The following CTSG variants were observed in gnomAD, a reference collection of about 807,000 sequenced individuals.
The protein encoded by CTSG is cathepsin G.
CTSG carries 23 observed loss-of-function variants against 23.0 expected under a neutral mutation model. The observed-to-expected ratio is 1.00, with a 90% CI of 0.72 to 1.42. The LOEUF is 1.42. Among genes scored for constraint, CTSG ranks in the 40% most tolerant of loss-of-function variants. CTSG has a pLI of 0.00. For missense variants in CTSG, 312 were observed against 326.2 expected (o/e 0.96, Z 0.33); for synonymous variants, 140 against 130.4 (o/e 1.07, Z -0.50).
At chr14:24,574,896 A>G (rs1450110643) in intron 2 of CTSG, 86 bp from the exon 3 acceptor site, 2 of 1,552,614 alleles carry the variant, frequency 1.3e-6, no homozygotes, top group Non-Finnish European at 1.8e-6. Flanking sequence ...GGAGGGCAAG[A>G]CTGCAGCTAA....
intron 2 of CTSG, 46 bp from the exon 3 acceptor site, chr14:24,574,856 C>T: frequency 6.2e-7 from 1 of 1,610,978 alleles, no homozygotes; most frequent in Non-Finnish European, 8.5e-7. Flanking sequence ...CTATGGTCCA[C>T]CAGCTCTGCA....
intron 3 of CTSG, 56 bp from the exon 4 acceptor site, chr14:24,574,555 G>A (rs2066731714): frequency 1.9e-6 from 3 of 1,611,186 alleles, no homozygotes; most frequent in South Asian, 2.2e-5. Flanking sequence ...CAAGGCTCGG[G>A]GGTCGCTGGT....
At position 24,573,817 on chromosome 14, in the gene CTSG, G is replaced by A. The variant is rs750330910; in HGVS notation, c.595-7C>T. 1 of 1,612,284 alleles carries A rather than the reference G, an allele frequency of 6.2e-7. No homozygotes were observed. The highest frequency in any genetic ancestry group is 8.5e-7 in the Non-Finnish European group (1 of 1,179,104). On this transcript the variant is annotated splice_region_variant and splice_polypyrimidine_tract_variant and intron_variant, in intron 4 of 4. Transcript: ENST00000216336. ...GGGGGCCTCCGGAATCCCCCTGTAG[G>A]TAGAGAGGAGAAGGGAGACTGAGAC...
chr14:24,575,448 G>A (rs746200339), intron 1 of CTSG, 36 bp from the exon 2 acceptor site: 1 of 1,612,312 alleles, frequency 6.2e-7, no homozygotes, highest in Non-Finnish European at 8.5e-7. Flanking sequence ...CTCTATGCTT[G>A]CTGAACCTGC....
chr14:24,575,413 C>T lies in CTSG; in HGVS notation c.56-1G>A. On this transcript the variant is annotated splice_acceptor_variant, in intron 1 of 4. Transcript: ENST00000216336. LOFTEE classifies it high-confidence loss of function. ...CTCTCCCGGCCTCCGATGATCTCCC[C>T]TGGAAGGAAGCATTTGGCACTTAGC... The T allele has an allele frequency of 1.9e-5, 30 of 1,614,140 alleles. No homozygotes were observed. Among genetic ancestry groups the T allele is most frequent in the Admixed American group, 3.3e-5 (2 of 60,026 alleles).
At position 24,573,790 on chromosome 14, in the gene CTSG, C is replaced by G; in HGVS notation, c.615G>C (p.Leu205=). Residue 205 remains leucine (L), a synonymous_variant, in exon 5 of 5, where the codon CTG becomes CTC. Coordinates refer to ENST00000216336, the MANE Select transcript of CTSG (RefSeq NM_001911.3). ...AAFKGDSGGP[L]LCNNVAHGIV... is the part of the protein sequence containing the mutation. The stretch of plus-strand genomic sequence containing the variant: ...TGCCGTGGGCCACATTGTTACACAG[C>G]AGGGGGCCTCCGGAATCCCCCTGTA... 6.2e-7 allele frequency: 1 copy of G among 1,614,022 alleles called. No individual in the cohort carries two copies. Among genetic ancestry groups the G allele is most frequent in the Non-Finnish European group, 8.5e-7 (1 of 1,179,982 alleles).
rs759013839 is a variant in CTSG, at chr14:24,574,474, C to T, written c.365G>A (p.Arg122Gln). 4.3e-6 allele frequency: 7 copies of T among 1,614,006 alleles called. No individual in the cohort carries two copies. In the South Asian group the frequency reaches 5.5e-5, roughly 13 times the overall value. The stretch of plus-strand genomic sequence containing the variant: ...AGGCAGAGCCACTGGGTTCACGTTT[C>T]GATTCCGTCTGACTCTTCTGCTCAG... ...LQLSRRVRRNRNVNPVALPRA... is the reference protein window; with the variant it reads ...LQLSRRVRRNQNVNPVALPRA... The change falls in exon 4 of 5, where the codon CGA becomes CAA. Residue 122 changes from arginine to glutamine, a missense_variant. Arg to Gln is a conservative substitution (Grantham distance 43). Coordinates refer to ENST00000216336, the MANE Select transcript of CTSG (RefSeq NM_001911.3).
rs761931659 is a variant in CTSG, at chr14:24,574,333, T to C, written c.506A>G (p.Asp169Gly). Residue 169 changes from aspartate (D) to glycine (G), a missense_variant, in exon 4 of 5, where the codon GAT becomes GGT. By Grantham distance (94) the Asp-to-Gly change is moderately conservative. Transcript: ENST00000216336. Reference protein sequence around the residue: ...LREVQLRVQRDRQCLRIFGSY... With the variant: ...LREVQLRVQRGRQCLRIFGSY... ...ACCGAAGATGCGGAGGCACTGCCTA[T>C]CCCTCTGCACTCTCAGCTGCACCTC... 1.2e-6 allele frequency: 2 copies of C among 1,605,582 alleles called. No individual in the cohort carries two copies. Among genetic ancestry groups the C allele is most frequent in the Admixed American group, 1.7e-5 (1 of 60,018 alleles).
In CTSG at chr14:24,573,594, C is replaced by A; in HGVS notation, c.*43G>T. ...CTGTGGACGTTTATTAAGGCTCTGG[C>A]AACACTGTGGAGCTGGCCTGTGTCC... On this transcript the variant is annotated 3_prime_UTR_variant, in exon 5 of 5. Coordinates refer to ENST00000216336, the MANE Select transcript of CTSG (RefSeq NM_001911.3). The A allele has an allele frequency of 1.3e-6, 2 of 1,571,934 alleles. No homozygotes were observed.
At chr14:24,574,040 C>T (rs1244216123) in intron 4 of CTSG, among the ~76,000 whole-genome samples, 2 of 152,186 alleles carry the variant, frequency 1.3e-5, no homozygotes, top group East Asian at 1.9e-4. Context: ...AGGTACCTCT[C>T]CCTTCTCCAG....
In CTSG at chr14:24,574,405, G is replaced by A; in HGVS notation, c.434C>T (p.Ala145Val). The A allele has an allele frequency of 6.2e-7, 1 of 1,612,932 alleles. No individual in the cohort carries two copies. Among genetic ancestry groups the A allele is most frequent in the Non-Finnish European group, 8.5e-7 (1 of 1,180,014 alleles). ...GLRPGTLCTVAGWGRVSMRRG... is the reference protein window; with the variant it reads ...GLRPGTLCTVVGWGRVSMRRG... ...CCTCATGCTGACCCTGCCCCAGCCG[G>A]CCACAGTGCACAGCGTCCCGGGTCT... The change falls in exon 4 of 5, where the codon GCC (alanine) becomes GTC (valine). Residue 145 changes from alanine to valine, a missense_variant. Ala to Val is a moderately conservative substitution (Grantham distance 64). Coordinates refer to ENST00000216336, the MANE Select transcript of CTSG (RefSeq NM_001911.3).
At chr14:24,576,021 G>A (rs2138452444) in intron 1 of CTSG, 148 bp downstream of exon 1, 4 of 659,374 alleles carry the variant, frequency 6.1e-6, no homozygotes, top group South Asian at 3.9e-5. Flanking sequence ...CTGCAAGATC[G>A]GTATTAATAT....
rs1594807189 is a variant in CTSG, at chr14:24,574,796, G to A, written c.218C>T (p.Thr73Ile). 4 of 1,613,840 alleles carry A rather than the reference G, an allele frequency of 2.5e-6. No individual in the cohort carries two copies. Among genetic ancestry groups the A allele is most frequent in the East Asian group, 4.5e-5 (2 of 44,880 alleles). The change falls in exon 3 of 5, where the codon ACC becomes ATC. Residue 73 changes from threonine to isoleucine, a missense_variant. Physicochemically the swap from Thr to Ile is moderately conservative, Grantham distance 89. Coordinates refer to ENST00000216336, the MANE Select transcript of CTSG (RefSeq NM_001911.3). Reference sequence around the variant, plus strand: ...TCTCTGGATATTGTGGGCGCCCAGGGTGACATTTATATTGCTGCAAAAGCA... The same window carrying A: ...TCTCTGGATATTGTGGGCGCCCAGGATGACATTTATATTGCTGCAAAAGCA... Reference protein sequence around the residue: ...AHCWGSNINVTLGAHNIQRRE... With the variant: ...AHCWGSNINVILGAHNIQRRE...
intron 3 of CTSG, 38 bp from the exon 4 acceptor site, chr14:24,574,537 C>T (rs768508151): frequency 1.9e-6 from 3 of 1,612,466 alleles, no homozygotes; most frequent in South Asian, 2.2e-5. Flanking sequence ...TCAGCTGGGG[C>T]CTCCAGCCAA....
chr14:24,575,245 G>GAA lies in CTSG; in HGVS notation c.203+18_203+19dup, dbSNP rs549168777. 1 of 1,613,934 alleles carries GAA rather than the reference G, an allele frequency of 6.2e-7. No homozygotes were observed. Among genetic ancestry groups the GAA allele is most frequent in the Non-Finnish European group, 8.5e-7 (1 of 1,179,938 alleles). ...CAGGGCTGTGTTCCTGGCTGGCCAG[G>GAA]AAGTTCCTTAGCTCCTCACCTTCCC... On this transcript the variant is annotated intron_variant, in intron 2 of 4. Coordinates refer to ENST00000216336, the MANE Select transcript of CTSG (RefSeq NM_001911.3).
At chr14:24,575,903 C>T (rs564333112) in intron 1 of CTSG, among the ~76,000 whole-genome samples, 1 of 152,298 alleles carries the variant, frequency 6.6e-6, no homozygotes, top group Admixed American at 6.5e-5. Flanking sequence ...TAGGGTCTGA[C>T]ACATGCTGCC....
chr14:24,573,901 G>T (rs2066727508), intron 4 of CTSG, 91 bp from the exon 5 acceptor site: 2 of 1,231,074 alleles, frequency 1.6e-6, no homozygotes, highest in East Asian at 2.3e-5. Flanking sequence ...AGGGGTGGGT[G>T]GGCCCCTTCA....
Position 24,574,275 on chromosome 14 carries a change from C to T in CTSG, c.564G>A (p.Gly188=), listed in dbSNP as rs1231935403. 5 of 1,600,044 alleles carry T rather than the reference C, an allele frequency of 3.1e-6. No individual in the cohort carries two copies. The highest frequency in any genetic ancestry group is 4.2e-6 in the Non-Finnish European group (5 of 1,179,950). The stretch of plus-strand genomic sequence containing the variant: ...AGGCAGCCTTCCGTTCCCGCCGGTC[C>T]CCCACACAAATCTGCCTTCGGGGGT... ...SYDPRRQICV[G]DRRERKAAFK... The change falls in exon 4 of 5, where the codon GGG becomes GGA. Residue 188 remains glycine, a synonymous_variant. Transcript: ENST00000216336.
Position 24,574,119 on chromosome 14 carries a change from A to C in CTSG, c.594+126T>G, listed in dbSNP as rs1359267702. The C allele has an allele frequency of 3.2e-6, 4 of 1,269,450 alleles. No homozygotes were observed. The East Asian group carries it at 1.0e-4, about 32-fold the overall frequency. The allele number at this position is 1,269,450 out of a possible 1,614,324, so 78.6% of individuals were successfully genotyped here. A position where few individuals can be genotyped will look rare whatever the true frequency, so the allele number is the denominator to read the frequency against. On this transcript the variant is annotated intron_variant, in intron 4 of 4. Transcript: ENST00000216336. Reference sequence around the variant, plus strand: ...CCCCAGAGACCAGGTTGATGGGGAAAACAATCCCCAGCCCACCCTGGTCTG... The same window carrying C: ...CCCCAGAGACCAGGTTGATGGGGAACACAATCCCCAGCCCACCCTGGTCTG...
Sources: allele counts gnomAD v4.1 joint callset (sites outside exome capture counted in the v4.1 genomes callset), GRCh38; gene constraint gnomAD v4.1.1; transcripts MANE v1.5; gene names NCBI Gene and HGNC (gene_info 2026-07-23, HGNC 2026-07-21).